The following PRKACA variants were observed in gnomAD, a reference collection of about 807,000 sequenced individuals.
The protein encoded by PRKACA is cAMP-dependent protein kinase catalytic subunit alpha.
PRKACA carries 9 observed loss-of-function variants against 45.8 expected under a neutral mutation model. That is an observed-to-expected ratio of 0.20 (90% CI 0.12 to 0.34). The LOEUF is 0.34. Among genes scored for constraint, PRKACA ranks in the 10% least tolerant of loss-of-function variants. The pLI, the probability that PRKACA is intolerant of heterozygous loss-of-function variation, is 1.00. For missense variants in PRKACA, 238 were observed against 458.6 expected (o/e 0.52, Z 4.39); for synonymous variants, 160 against 178.6 (o/e 0.90, Z 0.83).
chr19:14,109,301 G>A (rs1478578386), intron 1 of PRKACA, among the ~76,000 whole-genome samples: 1 of 151,812 alleles, frequency 6.6e-6, no homozygotes, highest in Admixed American at 6.6e-5. Context: ...TGGTCAACAT[G>A]GTAAAACCCC....
chr19:14,093,041 A>ATGGG lies in PRKACA; in HGVS notation c.*70_*71insCCCA. On this transcript the variant is annotated 3_prime_UTR_variant, in exon 10 of 10. Transcript: ENST00000308677. The stretch of plus-strand genomic sequence containing the variant: ...CTGGGGCCCTCTGGCTGTTCAATCC[A>ATGGG]ACCCTCCCACCCCCCCGACCAAAAA... 4.0e-6 allele frequency: 2 copies of ATGGG among 500,028 alleles called. No individual in the cohort carries two copies. Among genetic ancestry groups the ATGGG allele is most frequent in the Non-Finnish European group, 7.2e-6 (2 of 278,312 alleles). 31.0% of individuals were successfully genotyped at this position (500,028 alleles called of 1,614,324 possible).
At chr19:14,107,561 C>T (rs1031341625) in intron 1 of PRKACA, 152 bp from the exon 2 acceptor site, 129 of 1,309,994 alleles carry the variant, frequency 9.8e-5, no homozygotes, top group Non-Finnish European at 1.0e-4. Context: ...TTGGCTGGGC[C>T]GTGGCCTGGG....
At chr19:14,115,148 G>A (rs1236815713) in intron 1 of PRKACA, 22 of 977,444 alleles carry the variant, frequency 2.3e-5, no homozygotes, top group African/African-American at 1.1e-4. Context: ...GTTTCTCAAC[G>A]TGTGACATAG....
intron 2 of PRKACA, 139 bp from the exon 3 acceptor site, chr19:14,107,027 G>T: frequency 8.9e-7 from 1 of 1,125,162 alleles, no homozygotes; most frequent in Non-Finnish European, 1.3e-6. Context: ...ACAGGGGGCG[G>T]AAAATCAAGA....
intron 1 of PRKACA, 112 bp from the exon 2 acceptor site, chr19:14,107,521 G>A (rs1391104839): frequency 7.3e-7 from 1 of 1,374,646 alleles, no homozygotes; most frequent in Admixed American, 2.0e-5. Context: ...CCAACCCAGA[G>A]CCTGACCTTT....
chr19:14,094,192 A>G (rs1366319003), intron 8 of PRKACA, among the ~76,000 whole-genome samples: 2 of 137,772 alleles, frequency 1.5e-5, no homozygotes, highest in African/African-American at 2.9e-5. Context: ...TTTGAAAAAA[A>G]AAAAAAAAAA....
intron 1 of PRKACA, among the ~76,000 whole-genome samples, chr19:14,110,746 C>T (rs937352746): frequency 2.0e-5 from 3 of 152,200 alleles, no homozygotes; most frequent in African/African-American, 7.2e-5. Flanking sequence ...GCTTCGTTCT[C>T]ACCCTGTGGG....
chr19:14,107,198 A>G (rs939449526), intron 2 of PRKACA, 150 bp downstream of exon 2: 3 of 885,692 alleles, frequency 3.4e-6, no homozygotes, highest in African/African-American at 3.4e-5. Flanking sequence ...GTCTCCACAC[A>G]GGAGCCCCCA....
chr19:14,095,127 T>G (rs2145744301), intron 8 of PRKACA, among the ~76,000 whole-genome samples: 1 of 152,224 alleles, frequency 6.6e-6, no homozygotes, highest in South Asian at 2.1e-4. Flanking sequence ...CTTCTGTGTT[T>G]TTTTCTTTCT....
intron 8 of PRKACA, among the ~76,000 whole-genome samples, chr19:14,096,127 C>T (rs1275078149): frequency 2.0e-5 from 3 of 150,110 alleles, no homozygotes; most frequent in Admixed American, 2.0e-4. Context: ...CAACCTCCGC[C>T]TCCTGGGTTC....
At chr19:14,107,980 A>G in intron 1 of PRKACA, 2 of 986,130 alleles carry the variant, frequency 2.0e-6, no homozygotes, top group Non-Finnish European at 2.4e-6. Flanking sequence ...TCCCAAGGTG[A>G]ACATCACCGC....
rs118047666 is a variant in PRKACA, at chr19:14,106,921, C to T, written c.109-33G>A. 3,278 of 1,611,790 alleles carry T rather than the reference C, an allele frequency of 2.0e-3. 48 individuals carry two copies. In the East Asian group the frequency reaches 0.045, roughly 22 times the overall value. On this transcript the variant is annotated intron_variant, in intron 2 of 9. Transcript: ENST00000308677. ...CAGAGGGGTCGGTAGGCTCAGGGCACGCCCTCCCCGCGGCCTGCTTGGCTA... is the reference window on the plus strand; with the variant it reads ...CAGAGGGGTCGGTAGGCTCAGGGCATGCCCTCCCCGCGGCCTGCTTGGCTA...
chr19:14,100,963 G>C (rs1299403679), intron 4 of PRKACA, 55 bp from the exon 5 acceptor site: 1 of 1,523,146 alleles, frequency 6.6e-7, no homozygotes, highest in Non-Finnish European at 9.1e-7. Context: ...GACCCGATCT[G>C]AAGGCCTTGG....
chr19:14,093,701 T>C lies in PRKACA; in HGVS notation c.857A>G (p.Lys286Arg), dbSNP rs1461258646. Residue 286 changes from lysine (K) to arginine (R), a missense_variant, in exon 9 of 10, where the codon AAG (lysine) becomes AGG (arginine). Physicochemically the swap from Lys to Arg is conservative, Grantham distance 26. Transcript: ENST00000308677. ...GTTCTTGATATCGTTGACCCCATTC[T>C]TGAGGTTCCCAAAGCGCTTGGTGAG... is the stretch of plus-strand genomic sequence containing the variant. ...VDLTKRFGNL[K>R]NGVNDIKNHK... 3 of 1,614,064 alleles carry C rather than the reference T, an allele frequency of 1.9e-6. No individual in the cohort carries two copies. Among genetic ancestry groups the C allele is most frequent in the Non-Finnish European group, 2.5e-6 (3 of 1,180,026 alleles).
chr19:14,114,052 C>T, intron 1 of PRKACA: 1 of 1,488,810 alleles, frequency 6.7e-7, no homozygotes, highest in Non-Finnish European at 9.2e-7. Flanking sequence ...CGCCTGTGCC[C>T]CAGACCCCGC....
chr19:14,102,842 G>A lies in PRKACA; in HGVS notation c.310C>T (p.Leu104Phe), dbSNP rs758631881. The part of the protein sequence containing the change: ...RILQAVNFPF[L>F]VKLEFSFKDN... The stretch of plus-strand genomic sequence containing the variant: ...TTGAAGGAGAACTCGAGTTTGACGA[G>A]GAACGGAAAGTTGACAGCTTGCAGG... The change falls in exon 4 of 10, where the codon CTC becomes TTC. Residue 104 changes from leucine to phenylalanine, a missense_variant. Around this residue, in one of 3 missense-constraint regions of PRKACA, gnomAD observed 93 missense variants for 149.1 expected, o/e 0.62. Transcript: ENST00000308677. The A allele has an allele frequency of 1.9e-6, 3 of 1,614,170 alleles. No homozygotes were observed. The highest frequency in any genetic ancestry group is 2.2e-5 in the South Asian group (2 of 91,088).
intron 1 of PRKACA, 71 bp from the exon 2 acceptor site, chr19:14,107,480 G>A (rs1977647936): frequency 1.3e-6 from 2 of 1,529,594 alleles, no homozygotes; most frequent in Admixed American, 1.7e-5. Flanking sequence ...TGATTTCTGG[G>A]GAGATACTTG....
Position 14,097,216 on chromosome 19 carries a change from C to T in PRKACA, c.765+145G>A. 1.5e-6 allele frequency: 2 copies of T among 1,300,944 alleles called. No individual in the cohort carries two copies. Among genetic ancestry groups the T allele is most frequent in the Non-Finnish European group, 2.1e-6 (2 of 932,148 alleles). The allele number at this position is 1,300,944 out of a possible 1,614,324, so 80.6% of individuals were successfully genotyped here. ...GCTTGAGGTGTTGGCCTCAGTGTGGCCGGCGCGTCCAGCTTCACCACCTGG... is the reference window on the plus strand; with the variant it reads ...GCTTGAGGTGTTGGCCTCAGTGTGGTCGGCGCGTCCAGCTTCACCACCTGG... On this transcript the variant is annotated intron_variant, in intron 8 of 9. Coordinates refer to ENST00000308677, the MANE Select transcript of PRKACA (RefSeq NM_002730.4). The surrounding 1 kb of genome is among the most constrained non-coding windows in gnomAD (Gnocchi z 5.4).
At chr19:14,110,063 G>C (rs1966924346) in intron 1 of PRKACA, among the ~76,000 whole-genome samples, 1 of 143,098 alleles carries the variant, frequency 7.0e-6, no homozygotes, top group Non-Finnish European at 1.5e-5. Flanking sequence ...TAATCCCAGT[G>C]CTTTAGAAGG....
Sources: allele counts gnomAD v4.1 joint callset (sites outside exome capture counted in the v4.1 genomes callset), GRCh38; gene constraint gnomAD v4.1.1; regional missense constraint gnomAD v4.1.1; non-coding constraint Gnocchi (gnomAD v3.1); transcripts MANE v1.5; gene names NCBI Gene and HGNC (gene_info 2026-07-23, HGNC 2026-07-21).